Variants in CRABP1 observed in about 807,000 individuals in gnomAD.
The protein encoded by CRABP1 is cellular retinoic acid-binding protein 1.
Under a neutral mutation model 16.4 loss-of-function variants are expected in CRABP1, and 9 were observed. The ratio of observed to expected loss-of-function variants is 0.55; its 90% CI spans 0.33 to 0.96. CRABP1 has a LOEUF of 0.96. Ranked by LOEUF, CRABP1 falls within the 40% of genes least tolerant of loss-of-function variation. The pLI, the probability that CRABP1 is intolerant of heterozygous loss-of-function variation, is 0.03. For synonymous variants in CRABP1, 72 were observed against 70.4 expected (o/e 1.02, Z -0.11); for missense variants, 157 against 186.0 (o/e 0.84, Z 0.91).
chr15:78,343,647 T>C (rs1385205788), intron 3 of CRABP1, 35 bp downstream of exon 3: 3 of 1,574,506 alleles, frequency 1.9e-6, no homozygotes, highest in Admixed American at 3.4e-5. Context: ...AATCCTGAAG[T>C]TCCCCCAGAG....
At chr15:78,340,582 G>C (rs367904156) in intron 1 of CRABP1, 84 bp downstream of exon 1, 3 of 1,498,702 alleles carry the variant, frequency 2.0e-6, no homozygotes, top group South Asian at 1.2e-5. Context: ...GTCCTGGAGG[G>C]GGTGGAAGTT....
Position 78,340,381 on chromosome 15 carries a change from C to T in CRABP1, c.-48C>T, listed in dbSNP as rs774249656. ...CTCCGCCTTGCGAGCTCAGAGTGTG[C>T]CCGCTGCGCCGCCGCTGTCCGTACC... On this transcript the variant is annotated 5_prime_UTR_variant, in exon 1 of 4. Coordinates refer to ENST00000299529, the MANE Select transcript of CRABP1 (RefSeq NM_004378.3). 1.9e-5 allele frequency: 30 copies of T among 1,554,132 alleles called. No homozygotes were observed. In the East Asian group the frequency reaches 5.9e-4, roughly 31 times the overall value.
intron 3 of CRABP1, among the ~76,000 whole-genome samples, chr15:78,347,303 C>T (rs1293013928): frequency 2.6e-5 from 4 of 152,180 alleles, no homozygotes; most frequent in African/African-American, 7.2e-5. Flanking sequence ...AAACAGGCCA[C>T]GAGAGGAAAA....
At position 78,347,792 on chromosome 15, in the gene CRABP1, C is replaced by T. The variant is rs778213974; in HGVS notation, c.364-135C>T. The T allele has an allele frequency of 4.5e-5, 36 of 798,460 alleles. No homozygotes were observed. In the African/African-American group the frequency reaches 5.8e-4, roughly 13 times the overall value. 49.5% of individuals were successfully genotyped at this position (798,460 alleles called of 1,614,324 possible). A position where few individuals can be genotyped will look rare whatever the true frequency, so the allele number is the denominator to read the frequency against. ...AATATCCCTTAATGCTTAGCCTGAG[C>T]ACACACACAGGAAATTGAATGTCTG... On this transcript the variant is annotated intron_variant, in intron 3 of 3. Transcript: ENST00000299529.
At chr15:78,342,923 C>T (rs925423286) in intron 2 of CRABP1, among the ~76,000 whole-genome samples, 5 of 152,062 alleles carry the variant, frequency 3.3e-5, no homozygotes, top group Admixed American at 3.3e-4. Flanking sequence ...GAGTTCGAGA[C>T]CAGCCTGGTG....
Position 78,340,493 on chromosome 15 carries a change from C to A in CRABP1, c.65C>A (p.Ala22Glu). Residue 22 changes from alanine (A) to glutamate (E), a missense_variant, in exon 1 of 4, where the codon GCA becomes GAA. Coordinates refer to ENST00000299529, the MANE Select transcript of CRABP1 (RefSeq NM_004378.3). ...GAGAATTTCGACGAGCTGCTCAAGG[C>A]ACTGGGTAAGCTGGTGCAGAGGGCG... ...SSENFDELLK[A>E]LGVNAMLRKV... 3.7e-6 allele frequency: 6 copies of A among 1,608,192 alleles called. No individual in the cohort carries two copies. The highest frequency in any genetic ancestry group is 5.1e-6 in the Non-Finnish European group (6 of 1,178,506).
intron 3 of CRABP1, among the ~76,000 whole-genome samples, chr15:78,345,470 A>G (rs1315338921): frequency 2.0e-5 from 3 of 152,154 alleles, no homozygotes; most frequent in Non-Finnish European, 4.4e-5. Flanking sequence ...GAAATTTAGG[A>G]GAAAAGGCGT....
rs1222354191 is a variant in CRABP1 at position 78,341,080 on chromosome 15, TG to T, written c.109del (p.Ala37ArgfsTer49). The T allele has an allele frequency of 6.2e-7, 1 of 1,611,312 alleles. No homozygotes were observed. Among genetic ancestry groups the T allele is most frequent in the Admixed American group, 1.7e-5 (1 of 59,996 alleles). ...TGCTGAGGAAAGTGGCCGTAGCGGCTGCGTCCAAGCCGCACGTGGAGATCCG... is the reference window on the plus strand; with the variant it reads ...TGCTGAGGAAAGTGGCCGTAGCGGCTCGTCCAAGCCGCACGTGGAGATCCG... ...AMLRKVAVAA[A>X]SKPHVEIRQD... On this transcript the variant is annotated frameshift_variant, in exon 2 of 4. Transcript: ENST00000299529. LOFTEE classifies it high-confidence loss of function. The surrounding 1 kb of genome is among the most constrained non-coding windows in gnomAD (Gnocchi z 5.3).
chr15:78,340,615 T>A (rs2050227414), intron 1 of CRABP1, 117 bp downstream of exon 1: 1 of 1,168,746 alleles, frequency 8.6e-7, no homozygotes, highest in Non-Finnish European at 1.2e-6. Flanking sequence ...CAGGAGGGAG[T>A]CCCCGGGGCA....
Position 78,343,540 on chromosome 15 carries a change from G to A in CRABP1, c.291G>A (p.Thr97=), listed in dbSNP as rs747438217. The part of the protein sequence containing the change: ...TWENENKIHC[T]QTLLEGDGPK... ...AGAATGAGAACAAGATCCACTGCAC[G>A]CAAACTCTTCTTGAAGGGGACGGCC... Residue 97 remains threonine, a synonymous_variant, in exon 3 of 4, where the codon ACG becomes ACA. Coordinates refer to ENST00000299529, the MANE Select transcript of CRABP1 (RefSeq NM_004378.3). 8.7e-6 allele frequency: 14 copies of A among 1,614,140 alleles called. No homozygotes were observed. In the East Asian group the frequency reaches 8.9e-5, roughly 10 times the overall value.
At position 78,343,529 on chromosome 15, in the gene CRABP1, ATCC is replaced by A; in HGVS notation, c.281_283del (p.Ile94_His95delinsAsn). ...AGCCACTTGGGAGAATGAGAACAAG[ATCC>A]ACTGCACGCAAACTCTTCTTGAAGG... On this transcript the variant is annotated inframe_deletion, in exon 3 of 4. Coordinates refer to ENST00000299529, the MANE Select transcript of CRABP1 (RefSeq NM_004378.3). 1 of 1,614,186 alleles carries A rather than the reference ATCC, an allele frequency of 6.2e-7. No individual in the cohort carries two copies. The highest frequency in any genetic ancestry group is 2.2e-5 in the East Asian group (1 of 44,892).
At chr15:78,340,826 G>C in intron 1 of CRABP1, 2 of 617,754 alleles carry the variant, frequency 3.2e-6, no homozygotes, top group South Asian at 4.1e-5. Flanking sequence ...CTCAAATTTG[G>C]GACCAGGCTC....
intron 3 of CRABP1, among the ~76,000 whole-genome samples, chr15:78,344,173 A>G (rs1338470080): frequency 1.3e-5 from 2 of 152,164 alleles, no homozygotes; most frequent in Non-Finnish European, 1.5e-5. Context: ...CTGTAGAACT[A>G]AAAAAGATAG....
In CRABP1 at chr15:78,340,965, G is replaced by C; in HGVS notation, c.71-78G>C. 4.2e-6 allele frequency: 6 copies of C among 1,430,596 alleles called. No homozygotes were observed. In the South Asian group the frequency reaches 8.0e-5, roughly 19 times the overall value. The allele number at this position is 1,430,596 out of a possible 1,614,324, so 88.6% of individuals were successfully genotyped here. On this transcript the variant is annotated intron_variant, in intron 1 of 3. Transcript: ENST00000299529. Reference sequence around the variant, plus strand: ...ATTTTAAGGCCCCTTTCTAAAGTTAGGGTATGACCAGTGCCCGACCGGTCC... The same window carrying C: ...ATTTTAAGGCCCCTTTCTAAAGTTACGGTATGACCAGTGCCCGACCGGTCC...
In CRABP1 at chr15:78,341,379, G is replaced by C. The variant is rs969494584; in HGVS notation, c.249+158G>C. 7.5e-6 allele frequency: 6 copies of C among 798,560 alleles called. No individual in the cohort carries two copies. The highest frequency in any genetic ancestry group is 3.4e-5 in the African/African-American group (2 of 58,694). 49.5% of individuals were successfully genotyped at this position (798,560 alleles called of 1,614,324 possible). ...TTGCAGAGGGGGTTTGTGCATCCTA[G>C]TTGCCCCTGGCTCAAGACAAAGTAT... is the stretch of plus-strand genomic sequence containing the variant. On this transcript the variant is annotated intron_variant, in intron 2 of 3. Transcript: ENST00000299529. This position sits in a 1 kb window ranked among gnomAD's most constrained non-coding sequence, Gnocchi z 5.3.
chr15:78,341,312 G>A lies in CRABP1; in HGVS notation c.249+91G>A, dbSNP rs748555165. ...GGAGGAACCTGTGTCTCCCTTTGCA[G>A]CCTGTGGCGCGCCTTCCTTGCAGGG... On this transcript the variant is annotated intron_variant, in intron 2 of 3. Coordinates refer to ENST00000299529, the MANE Select transcript of CRABP1 (RefSeq NM_004378.3). The surrounding 1 kb of genome is among the most constrained non-coding windows in gnomAD (Gnocchi z 5.3). 2.1e-6 allele frequency: 3 copies of A among 1,446,172 alleles called. No homozygotes were observed. The highest frequency in any genetic ancestry group is 1.2e-5 in the South Asian group (1 of 81,812). 89.6% of individuals were successfully genotyped at this position (1,446,172 alleles called of 1,614,324 possible). A position where few individuals can be genotyped will look rare whatever the true frequency, so the allele number is the denominator to read the frequency against.
chr15:78,343,796 G>T (rs2050249328), intron 3 of CRABP1, among the ~76,000 whole-genome samples, 184 bp downstream of exon 3: 1 of 152,230 alleles, frequency 6.6e-6, no homozygotes, highest in African/African-American at 2.4e-5. Flanking sequence ...TAAATGGTTG[G>T]CAGGAAAGAG....
intron 2 of CRABP1, among the ~76,000 whole-genome samples, chr15:78,342,395 G>T (rs540459373): frequency 1.6e-4 from 25 of 152,070 alleles, no homozygotes; most frequent in African/African-American, 5.8e-4. Context: ...AAAATTAAAG[G>T]TTCACACAAC....
Position 78,348,019 on chromosome 15 carries a change from T to A in CRABP1, c.*42T>A, listed in dbSNP as rs1360148097. 6.3e-7 allele frequency: 1 copy of A among 1,591,466 alleles called. No individual in the cohort carries two copies. Among genetic ancestry groups the A allele is most frequent in the Non-Finnish European group, 8.6e-7 (1 of 1,160,874 alleles). On this transcript the variant is annotated 3_prime_UTR_variant, in exon 4 of 4. Coordinates refer to ENST00000299529, the MANE Select transcript of CRABP1 (RefSeq NM_004378.3). ...CCTACTTTCAGGAAGGGATGCAGGC[T>A]CCCCTGAGGAATATGTCATAGTTCT... is the stretch of plus-strand genomic sequence containing the variant.
Sources: allele counts gnomAD v4.1 joint callset (sites outside exome capture counted in the v4.1 genomes callset), GRCh38; gene constraint gnomAD v4.1.1; non-coding constraint Gnocchi (gnomAD v3.1); transcripts MANE v1.5; gene names NCBI Gene and HGNC (gene_info 2026-07-23, HGNC 2026-07-21).